The following CELF1 variants were observed in gnomAD, a reference collection of about 807,000 sequenced individuals.
CELF1 encodes the protein CUGBP Elav-like family member 1.
A neutral mutation model predicts 61.8 loss-of-function variants in CELF1; 10 were observed. The ratio of observed to expected loss-of-function variants is 0.16; its 90% CI spans 0.10 to 0.27. CELF1 has a LOEUF of 0.27. Among genes scored for constraint, CELF1 ranks in the 10% least tolerant of loss-of-function variants. The pLI is 1.00. For missense variants in CELF1, 380 were observed against 639.1 expected, an observed-to-expected ratio of 0.59 and a Z score of 4.37; for synonymous variants, 236 against 225.1, an observed-to-expected ratio of 1.05 and a Z score of -0.43.
intron 1 of CELF1, among the ~76,000 whole-genome samples, chr11:47,508,704 AAAC>A (rs1465479341): frequency 5.3e-5 from 8 of 151,966 alleles, no homozygotes; most frequent in African/African-American, 1.9e-4. Context: ...ACACATAAAT[AAAC>A]AACACTGTAA....
chr11:47,564,093 A>T (rs567916003), intron 2 of CELF1, among the ~76,000 whole-genome samples: 15 of 140,474 alleles, frequency 1.1e-4, no homozygotes, highest in Admixed American at 7.5e-4. Context: ...TGGGAGGCTG[A>T]GGCTGGCAGA....
rs1329925607 is a variant in CELF1 at position 47,468,732 on chromosome 11, GAAAC to G, written c.*3494_*3497del. 2 of 152,172 alleles carry G rather than the reference GAAAC, an allele frequency of 1.3e-5. No homozygotes were observed. Among genetic ancestry groups the G allele is most frequent in the South Asian group, 2.1e-4 (1 of 4,796 alleles). 9.4% of individuals were successfully genotyped at this position (152,172 alleles called of 1,614,324 possible). ...AAAAAAAGAAAAAAAAACGAAGAAA[GAAAC>G]AAACATAATAAAAATACACATCAGC... On this transcript the variant is annotated 3_prime_UTR_variant, in exon 15 of 15. Transcript: ENST00000687097.
upstream of CELF1, among the ~76,000 whole-genome samples, chr11:47,556,942 C>T (rs1235870597): frequency 6.6e-6 from 1 of 152,088 alleles, no homozygotes; most frequent in Non-Finnish European, 1.5e-5. Context: ...CTCTGTTGCC[C>T]ATGCTGGAGT....
At chr11:47,546,611 G>C (rs2153745314) in intron 1 of CELF1, among the ~76,000 whole-genome samples, 1 of 152,146 alleles carries the variant, frequency 6.6e-6, no homozygotes, top group South Asian at 2.1e-4. Context: ...ATTCTAACTA[G>C]GCCATTAATG....
At chr11:47,560,295 A>C (rs1434148342) in intron 2 of CELF1, among the ~76,000 whole-genome samples, 2 of 152,094 alleles carry the variant, frequency 1.3e-5, no homozygotes, top group Non-Finnish European at 2.9e-5. Context: ...TCTCAATAAA[A>C]AAAAGAACAG....
chr11:47,474,711 A>G lies in CELF1; in HGVS notation c.1273+625T>C, dbSNP rs188785022. Reference sequence around the variant, plus strand: ...TTAGTGCTTATACCAGCTCCTGGTTATAAAAACCCAGTCAAATCTGAGCAC... The same window carrying G: ...TTAGTGCTTATACCAGCTCCTGGTTGTAAAAACCCAGTCAAATCTGAGCAC... On this transcript the variant is annotated intron_variant, in intron 13 of 14. Coordinates refer to ENST00000687097, the MANE Select transcript of CELF1 (RefSeq NM_001376376.1). Among the ~76,000 whole-genome samples the G allele has an allele frequency of 3.3e-5, 5 of 152,350 alleles. No individual in the cohort carries two copies. In the East Asian group the frequency reaches 9.6e-4, roughly 29 times the overall value.
chr11:47,498,616 G>C (rs781649991), intron 3 of CELF1, among the ~76,000 whole-genome samples: 2 of 152,164 alleles, frequency 1.3e-5, no homozygotes, highest in Non-Finnish European at 2.9e-5. Context: ...ATAACCTAAA[G>C]CTCATTTGCT....
chr11:47,477,627 G>C, intron 10 of CELF1: 1 of 523,010 alleles, frequency 1.9e-6, no homozygotes, highest in Non-Finnish European at 3.4e-6. Flanking sequence ...CCTCAGAGAA[G>C]AGATGGCTAA....
At chr11:47,537,388 T>C (rs887971655) in intron 1 of CELF1, among the ~76,000 whole-genome samples, 13 of 151,802 alleles carry the variant, frequency 8.6e-5, no homozygotes, top group African/African-American at 3.1e-4. Flanking sequence ...GCTGAGACTA[T>C]AGGCACACAC....
rs1429687015 is a variant in CELF1 at position 47,504,684 on chromosome 11, C to T, written c.-153-3752G>A. ...TGGAAGGCCGAGGTGAGCAGATCAC[C>T]TAAGGTCAGGAGTTCTAGACCAGTT... On this transcript the variant is annotated intron_variant, in intron 1 of 14. Transcript: ENST00000687097. Among the ~76,000 whole-genome samples the T allele has an allele frequency of 2.6e-5, 4 of 151,230 alleles. 1 individual carries two copies. The Admixed American group carries it at 2.7e-4, about 10-fold the overall frequency.
intron 2 of CELF1, among the ~76,000 whole-genome samples, chr11:47,559,061 T>C (rs2097217921): frequency 7.0e-6 from 1 of 142,168 alleles, no homozygotes; most frequent in South Asian, 2.1e-4. Context: ...TAATATGTTA[T>C]ATATAATAAT....
chr11:47,554,208 G>C (rs7109710), upstream of CELF1, among the ~76,000 whole-genome samples: 151,477 of 152,228 alleles, frequency 1, 75,371 homozygotes, highest in Middle Eastern at 1. Flanking sequence ...AAACTAACCA[G>C]AGTTTTTCTG....
At chr11:47,480,756 CGGA>C (rs2082548016) in intron 9 of CELF1, among the ~76,000 whole-genome samples, 1 of 152,110 alleles carries the variant, frequency 6.6e-6, no homozygotes, top group Non-Finnish European at 1.5e-5. Context: ...GAAATATAAC[CGGA>C]CCCAGTGGTT....
intron 1 of CELF1, among the ~76,000 whole-genome samples, chr11:47,532,527 A>C (rs977021898): frequency 6.6e-6 from 1 of 152,224 alleles, no homozygotes; most frequent in African/African-American, 2.4e-5. Context: ...GTTTCTCTGC[A>C]TAACTTTTGT....
intron 14 of CELF1, among the ~76,000 whole-genome samples, chr11:47,472,853 T>A (rs905011488): frequency 1.3e-5 from 2 of 152,240 alleles, no homozygotes; most frequent in Non-Finnish European, 2.9e-5. Flanking sequence ...AAAGGTTTTT[T>A]TGCAAACCAT....
rs1408742257 is a variant in CELF1 at position 47,482,714 on chromosome 11, A to G, written c.749T>C (p.Leu250Pro). 1.2e-6 allele frequency: 2 copies of G among 1,613,814 alleles called. No individual in the cohort carries two copies. The highest frequency in any genetic ancestry group is 2.2e-5 in the East Asian group (1 of 44,900). Residue 250 changes from leucine to proline, a missense_variant, in exon 9 of 15, where the codon CTT (leucine) becomes CCT (proline). By Grantham distance (98) the Leu-to-Pro change is moderately conservative. Coordinates refer to ENST00000687097, the MANE Select transcript of CELF1 (RefSeq NM_001376376.1). ...ACTCACTGCTAAATACTGGGGTCCA[A>G]GAGTATTTAGACCAGCAAGGTTTCC... Reference protein sequence around the residue: ...VWGNLAGLNTLGPQYLALYLQ... With the variant: ...VWGNLAGLNTPGPQYLALYLQ...
At chr11:47,480,423 C>A (rs2082357947) in intron 9 of CELF1, among the ~76,000 whole-genome samples, 1 of 152,092 alleles carries the variant, frequency 6.6e-6, no homozygotes, top group Admixed American at 6.6e-5. Context: ...TGTGTTCAGT[C>A]CTAACTGGTG....
chr11:47,507,758 C>T (rs1406406822), intron 1 of CELF1, among the ~76,000 whole-genome samples: 1 of 152,128 alleles, frequency 6.6e-6, no homozygotes, highest in Non-Finnish European at 1.5e-5. Context: ...TAAGACACTG[C>T]CTATCCTCCC....
chr11:47,501,733 G>C (rs2093931509), intron 1 of CELF1, among the ~76,000 whole-genome samples: 1 of 152,096 alleles, frequency 6.6e-6, no homozygotes, highest in Non-Finnish European at 1.5e-5. Flanking sequence ...TAAGGCAGGA[G>C]AATAGCTTGA....
Sources: gnomAD v4.1 joint callset for allele counts (sites outside exome capture counted in the v4.1 genomes callset) on GRCh38, gnomAD v4.1.1 for gene constraint, MANE v1.5 for transcripts, NCBI Gene and HGNC (gene_info 2026-07-23, HGNC 2026-07-21) for gene names.